THSD4: variants seen among roughly 807,000 people sequenced by gnomAD.
THSD4 encodes the protein thrombospondin type-1 domain-containing protein 4.
In THSD4, 69 loss-of-function variants were observed where a neutral mutation model predicts 119.0. That is an observed-to-expected ratio of 0.58 (90% confidence interval 0.48 to 0.71). The LOEUF (loss-of-function observed/expected upper bound fraction) is 0.71, where lower values mean the gene tolerates loss of function less well. Ranked by LOEUF, THSD4 falls within the 30% of genes least tolerant of loss-of-function variation. The pLI, the probability that THSD4 is intolerant of heterozygous loss-of-function variation, is 0.00. For missense variants in THSD4, 1,393 were observed against 1,391.1 expected, an observed-to-expected ratio of 1.00 and a Z score of -0.02; for synonymous variants, 524 against 540.4, an observed-to-expected ratio of 0.97 and a Z score of 0.42.
intron 7 of THSD4, among the ~76,000 whole-genome samples, chr15:71,634,136 G>A (rs557532400): frequency 2.5e-4 from 37 of 150,652 alleles, no homozygotes; most frequent in African/African-American, 7.6e-4. Context: ...TCAGTGAGCC[G>A]AGATCGCACC....
intron 7 of THSD4, among the ~76,000 whole-genome samples, chr15:71,435,625 C>G (rs1595764464): frequency 1.3e-5 from 2 of 152,092 alleles, no homozygotes; most frequent in South Asian, 4.2e-4. Flanking sequence ...AAAGATGCAG[C>G]CTTCATGATC....
chr15:71,529,393 A>G (rs922158592), intron 7 of THSD4, among the ~76,000 whole-genome samples: 21 of 152,310 alleles, frequency 1.4e-4, no homozygotes, highest in Admixed American at 9.2e-4. Flanking sequence ...AACATTTTCT[A>G]TGTTGTTACT....
intron 7 of THSD4, among the ~76,000 whole-genome samples, chr15:71,521,445 C>T (rs911864930): frequency 1.3e-5 from 2 of 152,174 alleles, no homozygotes; most frequent in African/African-American, 4.8e-5. Context: ...CTTTGACATT[C>T]ATCTATTCCT....
intron 7 of THSD4, among the ~76,000 whole-genome samples, chr15:71,467,910 A>G (rs2047523234): frequency 6.7e-6 from 1 of 149,238 alleles, no homozygotes; most frequent in Non-Finnish European, 1.5e-5. Flanking sequence ...GTGCAGTGGC[A>G]TGATCTCGGC....
At chr15:71,307,770 A>G (rs1464341130) in intron 6 of THSD4, among the ~76,000 whole-genome samples, 1 of 152,214 alleles carries the variant, frequency 6.6e-6, no homozygotes, top group African/African-American at 2.4e-5. Context: ...ACTCCATCTC[A>G]AAAACAAACA....
chr15:71,211,763 G>A (rs1358792427), intron 3 of THSD4, among the ~76,000 whole-genome samples: 1 of 152,144 alleles, frequency 6.6e-6, no homozygotes, highest in Admixed American at 6.5e-5. Context: ...GCAGTTTAGG[G>A]TGCATTTTAG....
At chr15:71,742,353 T>A (rs976666281) in intron 11 of THSD4, among the ~76,000 whole-genome samples, 8 of 152,250 alleles carry the variant, frequency 5.3e-5, no homozygotes, top group African/African-American at 1.9e-4. Flanking sequence ...TTGGCTTGTT[T>A]CATTTGATTC....
chr15:71,341,105 CCTCT>C lies in THSD4; in HGVS notation c.1016-70576_1016-70573del, dbSNP rs1180963521. On this transcript the variant is annotated intron_variant, in intron 6 of 17. Coordinates refer to ENST00000261862, the MANE Select transcript of THSD4 (RefSeq NM_024817.3). ...CTTTTCTATTGTCTCTTCTGTCTTCCCTCTCTCTCCCTTTTTTTTTTCCTTTTAA... is the reference window on the plus strand; with the variant it reads ...CTTTTCTATTGTCTCTTCTGTCTTCCCTCTCCCTTTTTTTTTTCCTTTTAA... 4.1e-6 allele frequency: 5 copies of C among 1,231,084 alleles called. No homozygotes were observed. The African/African-American group carries it at 4.5e-5, about 11-fold the overall frequency. 76.3% of individuals were successfully genotyped at this position (1,231,084 alleles called of 1,614,324 possible). A position where few individuals can be genotyped will look rare whatever the true frequency, so the allele number is the denominator to read the frequency against.
At position 71,745,011 on chromosome 15, in the gene THSD4, C is replaced by G. The variant is rs2053307029; in HGVS notation, c.1907-95C>G. On this transcript the variant is annotated intron_variant, in intron 11 of 17. Coordinates refer to ENST00000261862, the MANE Select transcript of THSD4 (RefSeq NM_024817.3). ...ATTGTCCTCACTGTTTCTGTGCCCT[C>G]TCTTCATCAGCACCCGAATCTCTGT... 2.0e-6 allele frequency: 3 copies of G among 1,492,226 alleles called. No homozygotes were observed. The East Asian group carries it at 6.9e-5, about 34-fold the overall frequency. 92.4% of individuals were successfully genotyped at this position (1,492,226 alleles called of 1,614,324 possible).
intron 7 of THSD4, among the ~76,000 whole-genome samples, chr15:71,424,694 G>A (rs1332798483): frequency 6.6e-6 from 1 of 152,122 alleles, no homozygotes; most frequent in African/African-American, 2.4e-5. Context: ...CAGAGAGCAC[G>A]ATTATAATTT....
intron 7 of THSD4, among the ~76,000 whole-genome samples, chr15:71,511,233 C>T (rs2048279332): frequency 6.6e-6 from 1 of 152,064 alleles, no homozygotes; most frequent in Admixed American, 6.6e-5. Context: ...CCAAGTTGGT[C>T]TTGAGGGACG....
chr15:71,430,359 T>C (rs965459292), intron 7 of THSD4, among the ~76,000 whole-genome samples: 1 of 152,214 alleles, frequency 6.6e-6, no homozygotes, highest in South Asian at 2.1e-4. Context: ...TAACTTGGCC[T>C]GATTACTTGC....
chr15:71,695,185 T>G (rs1021561711), intron 8 of THSD4, among the ~76,000 whole-genome samples: 2 of 152,234 alleles, frequency 1.3e-5, no homozygotes, highest in Admixed American at 6.5e-5. Context: ...TCTTGACTTT[T>G]AGAGAAATCA....
chr15:71,758,852 TA>T (rs1003460264), intron 15 of THSD4, among the ~76,000 whole-genome samples: 22 of 152,350 alleles, frequency 1.4e-4, no homozygotes, highest in African/African-American at 4.8e-4. Flanking sequence ...TGCACTGCCT[TA>T]TCCTTGTAAA....
intron 1 of THSD4, among the ~76,000 whole-genome samples, chr15:71,139,267 A>G (rs891107975): frequency 1.3e-5 from 2 of 152,090 alleles, no homozygotes; most frequent in African/African-American, 4.8e-5. Flanking sequence ...CATTTTCCCC[A>G]TGGTTCATCT....
chr15:71,109,190 C>T (rs1776480274), intron 1 of THSD4, among the ~76,000 whole-genome samples: 1 of 152,200 alleles, frequency 6.6e-6, no homozygotes, highest in Admixed American at 6.5e-5. Flanking sequence ...GTCACCCACT[C>T]AGGTGTTCTC....
rs1285296498 is a variant in THSD4 at position 71,745,128 on chromosome 15, C to A, written c.1929C>A (p.Arg643=). The change falls in exon 12 of 18, where the codon CGC becomes CGA. Residue 643 remains arginine, a synonymous_variant. Transcript: ENST00000261862. ...CAGGATCGCAGTACCCTATTTTCCG[C>A]TGTGTGCACAGAAGCACTCATGAAG... ...CGKGSQYPIF[R]CVHRSTHEEA... 1 of 1,611,794 alleles carries A rather than the reference C, an allele frequency of 6.2e-7. No homozygotes were observed.
chr15:71,171,907 G>T (rs1409138923), intron 3 of THSD4, among the ~76,000 whole-genome samples: 1 of 152,144 alleles, frequency 6.6e-6, no homozygotes, highest in Non-Finnish European at 1.5e-5. Context: ...TTTTTATAAT[G>T]CATGTAAAAT....
In THSD4 at chr15:71,146,256, C is replaced by G. The variant is rs28572722; in HGVS notation, c.29+4700C>G. Among the ~76,000 whole-genome samples, 7 of 152,260 alleles carry G rather than the reference C, an allele frequency of 4.6e-5. No homozygotes were observed. In the East Asian group the frequency reaches 1.2e-3, roughly 25 times the overall value. ...ATGGGCCTTTCTTTGCTCATGAACC[C>G]GATTGTCTTTCTTGCACAAACCACA... On this transcript the variant is annotated intron_variant, in intron 2 of 17. Coordinates refer to ENST00000261862, the MANE Select transcript of THSD4 (RefSeq NM_024817.3).
Sources: allele counts gnomAD v4.1 joint callset (sites outside exome capture counted in the v4.1 genomes callset), GRCh38; gene constraint gnomAD v4.1.1; transcripts MANE v1.5; gene names NCBI Gene and HGNC (gene_info 2026-07-23, HGNC 2026-07-21).